OCM: variants seen among roughly 807,000 people sequenced by gnomAD.
OCM encodes the protein oncomodulin.
In OCM, 18 loss-of-function variants were observed where a neutral mutation model predicts 14.1. The observed-to-expected ratio is 1.28, with a 90% CI of 0.88 to 1.89. The LOEUF (loss-of-function observed/expected upper bound fraction) is 1.89, where lower values mean the gene tolerates loss of function less well. Ranked by LOEUF, OCM falls within the 40% of genes most tolerant of loss-of-function variation. The pLI, the probability that OCM is intolerant of heterozygous loss-of-function variation, is 0.00. For synonymous variants in OCM, 48 were observed against 51.0 expected (o/e 0.94, Z 0.25); for missense variants, 140 against 137.6 (o/e 1.02, Z -0.09).
intron 2 of OCM, among the ~76,000 whole-genome samples, chr7:5,883,273 G>T (rs112093912): frequency 2.0e-5 from 3 of 152,116 alleles, no homozygotes; most frequent in Non-Finnish European, 4.4e-5. Context: ...ATTGCTTGAA[G>T]TCAGGAGGCA....
chr7:5,875,487 A>C (rs1338766790), upstream of OCM, among the ~76,000 whole-genome samples: 1 of 152,034 alleles, frequency 6.6e-6, no homozygotes, highest in African/African-American at 2.4e-5. Context: ...ATATTTTTCT[A>C]CAGAGAATGG....
intron 1 of OCM, 36 bp downstream of exon 1, chr7:5,880,986 A>G (rs770083419): frequency 1.3e-6 from 2 of 1,596,294 alleles, no homozygotes; most frequent in African/African-American, 1.3e-5. Context: ...GGATTTCCTC[A>G]CAGCTTTGCA....
chr7:5,873,356 A>C, the OCM span, among the ~76,000 whole-genome samples: 2 of 152,116 alleles, frequency 1.3e-5, no homozygotes, highest in African/African-American at 4.8e-5. Context: ...CAGACTGGGC[A>C]ACAAGAGCAA....
At chr7:5,875,353 G>A (rs373186717), upstream of OCM, among the ~76,000 whole-genome samples, 19 of 151,898 alleles carry the variant, frequency 1.3e-4, no homozygotes, top group African/African-American at 4.4e-4. Flanking sequence ...CACGGCGCCC[G>A]GCCTGAATCA....
At chr7:5,875,307 T>A (rs1781074459), upstream of OCM, among the ~76,000 whole-genome samples, 1 of 152,038 alleles carries the variant, frequency 6.6e-6, no homozygotes, top group African/African-American at 2.4e-5. Flanking sequence ...TCTGCCCACC[T>A]CAGCCTGCCA....
rs772780728 is a variant in OCM at position 5,882,600 on chromosome 7, G to A, written c.169G>A (p.Gly57Arg). 8.1e-6 allele frequency: 13 copies of A among 1,614,064 alleles called. No homozygotes were observed. The highest frequency in any genetic ancestry group is 4.0e-5 in the African/African-American group (3 of 75,016). Residue 57 changes from glycine (G) to arginine (R), a missense_variant, in exon 2 of 4, where the codon GGG becomes AGG. Physicochemically the swap from Gly to Arg is moderately radical, Grantham distance 125. Transcript: ENST00000242104. ...CCGGTTCATAGACAACGACCAGAGC[G>A]GGTACCTGGATGAAGAAGAGCTTAA... Reference protein sequence around the residue: ...VFRFIDNDQSGYLDEEELKFF... With the variant: ...VFRFIDNDQSRYLDEEELKFF...
At chr7:5,877,604 A>C (rs1169217996), upstream of OCM, among the ~76,000 whole-genome samples, 2 of 151,992 alleles carry the variant, frequency 1.3e-5, no homozygotes, top group African/African-American at 4.8e-5. Context: ...GGATCACTTG[A>C]GATCAGGAGT....
At chr7:5,881,814 G>A (rs1461763706) in intron 1 of OCM, among the ~76,000 whole-genome samples, 16 of 151,942 alleles carry the variant, frequency 1.1e-4, no homozygotes, top group South Asian at 6.2e-4. Flanking sequence ...AAGGCCAGGT[G>A]TCGTGCTCAC....
At chr7:5,862,972 C>G in the OCM span, among the ~76,000 whole-genome samples, 2 of 151,644 alleles carry the variant, frequency 1.3e-5, no homozygotes, top group African/African-American at 4.8e-5. Flanking sequence ...CCTCTACTCC[C>G]TCTTTTCATA....
chr7:5,871,772 G>A, the OCM span: 1,601 of 151,500 alleles, frequency 0.011, 30 homozygotes, highest in East Asian at 0.059. Context: ...GTCTTACTAT[G>A]TTGCCCAGGC....
the OCM span, among the ~76,000 whole-genome samples, chr7:5,873,815 A>G: frequency 6.6e-6 from 1 of 151,986 alleles, no homozygotes; most frequent in Non-Finnish European, 1.5e-5. Flanking sequence ...ATGTTTAGGA[A>G]GTGATGTCTG....
the OCM span, among the ~76,000 whole-genome samples, chr7:5,870,303 A>T: frequency 6.6e-6 from 1 of 152,024 alleles, no homozygotes; most frequent in Admixed American, 6.6e-5. Context: ...GTAGCGATAG[A>T]GTCCCACTAT....
chr7:5,870,238 A>G, the OCM span, among the ~76,000 whole-genome samples: 1 of 151,980 alleles, frequency 6.6e-6, no homozygotes. Flanking sequence ...AGGCTCCTGA[A>G]TAGCTGGGAC....
At chr7:5,860,081 A>G in the OCM span, among the ~76,000 whole-genome samples, 24 of 152,070 alleles carry the variant, frequency 1.6e-4, 1 homozygote, top group East Asian at 4.1e-3. Context: ...GAGAACCCAC[A>G]TCATGGACAA....
chr7:5,875,030 A>G (rs1254708916), upstream of OCM, among the ~76,000 whole-genome samples: 2 of 149,058 alleles, frequency 1.3e-5, no homozygotes, highest in Non-Finnish European at 3.0e-5. Context: ...GTGTGAATCT[A>G]TATCTATATC....
Position 5,883,744 on chromosome 7 carries a change from G to C in OCM, c.195-146G>C, listed in dbSNP as rs1332742706. On this transcript the variant is annotated intron_variant, in intron 2 of 3. Coordinates refer to ENST00000242104, the MANE Select transcript of OCM (RefSeq NM_001097622.2). ...GAAGTGCCCACCATTGGTTTCTACA[G>C]CTTAAGGAAACCTTTGCTTGCTAAG... 3.9e-6 allele frequency: 3 copies of C among 766,680 alleles called. No homozygotes were observed. In the East Asian group the frequency reaches 8.1e-5, roughly 21 times the overall value. 47.5% of individuals were successfully genotyped at this position (766,680 alleles called of 1,614,324 possible).
At chr7:5,864,242 A>G in the OCM span, among the ~76,000 whole-genome samples, 3 of 148,414 alleles carry the variant, frequency 2.0e-5, no homozygotes, top group South Asian at 4.3e-4. Context: ...GTTGGGGGGG[A>G]TGCTATGGTA....
chr7:5,860,352 GTA>G, the OCM span, among the ~76,000 whole-genome samples: 16 of 145,708 alleles, frequency 1.1e-4, no homozygotes, highest in Non-Finnish European at 2.1e-4. Context: ...GTGTGTGTGT[GTA>G]TATATATATG....
chr7:5,865,727 G>A, the OCM span, among the ~76,000 whole-genome samples: 5 of 152,122 alleles, frequency 3.3e-5, no homozygotes, highest in Admixed American at 1.3e-4. Context: ...GCTCAGCTGC[G>A]ACCTGGAAGT....
Sources: gnomAD v4.1 joint callset for allele counts (sites outside exome capture counted in the v4.1 genomes callset) on GRCh38, gnomAD v4.1.1 for gene constraint, MANE v1.5 for transcripts, NCBI Gene and HGNC (gene_info 2026-07-23, HGNC 2026-07-21) for gene names.